Variants in ZNF706 observed in about 807,000 individuals in gnomAD.
ZNF706 encodes the protein zinc finger protein 706, also known as transcriptional regulator ZNF706.
In ZNF706, 4 loss-of-function variants were observed where a neutral mutation model predicts 9.2. That is an observed-to-expected ratio of 0.43 (90% CI 0.21 to 0.99). ZNF706 has a LOEUF of 0.99. Among genes scored for constraint, ZNF706 ranks in the 50% least tolerant of loss-of-function variants. The probability of loss-of-function intolerance (pLI) is 0.26; values close to 1 mark genes in which losing one functional copy is unlikely to be tolerated. For missense variants in ZNF706, 27 were observed against 87.8 expected (o/e 0.31, Z 2.77); for synonymous variants, 28 against 27.3 (o/e 1.03, Z -0.08).
intron 1 of ZNF706, chr8:101,204,821 T>A: frequency 1.0e-6 from 1 of 985,476 alleles, no homozygotes; most frequent in Non-Finnish European, 1.2e-6. Flanking sequence ...GAAAAGGATT[T>A]TGGGTCCAGG....
Position 101,198,258 on chromosome 8 carries a change from A to G in ZNF706, c.*994T>C, listed in dbSNP as rs532947002. The G allele has an allele frequency of 2.6e-5, 4 of 152,280 alleles. No homozygotes were observed. The East Asian group carries it at 7.7e-4, about 29-fold the overall frequency. The allele number at this position is 152,280 out of a possible 1,614,324, so 9.4% of individuals were successfully genotyped here. A position where few individuals can be genotyped will look rare whatever the true frequency, so the allele number is the denominator to read the frequency against. On this transcript the variant is annotated 3_prime_UTR_variant, in exon 4 of 4. Transcript: ENST00000311212. ...ACAAAGCAAACTCCTAAAATCAACAACTCACTTAGAAAAGAAAGGAGGGAG... is the reference window on the plus strand; with the variant it reads ...ACAAAGCAAACTCCTAAAATCAACAGCTCACTTAGAAAAGAAAGGAGGGAG...
At chr8:101,203,285 A>G (rs1810630915) in intron 1 of ZNF706, 1 of 152,206 alleles carries the variant, frequency 6.6e-6, no homozygotes, top group Non-Finnish European at 1.5e-5. Context: ...ATGAGTCTCA[A>G]TTGCTTTTTA....
rs1032922314 is a variant in ZNF706, at chr8:101,197,161, A to C, written c.*2091T>G. 21 of 152,224 alleles carry C rather than the reference A, an allele frequency of 1.4e-4. No individual in the cohort carries two copies. The highest frequency in any genetic ancestry group is 2.8e-4 in the Non-Finnish European group (19 of 68,032). The allele number at this position is 152,224 out of a possible 1,614,324, so 9.4% of individuals were successfully genotyped here. On this transcript the variant is annotated 3_prime_UTR_variant, in exon 4 of 4. Transcript: ENST00000311212. The stretch of plus-strand genomic sequence containing the variant: ...ATGTGAAGAGAATGGAAACAAGTTT[A>C]ATCTTAACCCCATTCCTTTTGGCAA...
rs1810554713 is a variant in ZNF706 at position 101,201,546 on chromosome 8, A to AG, written c.135+60_135+61insC. The AG allele has an allele frequency of 6.7e-7, 1 of 1,491,606 alleles. No homozygotes were observed. The highest frequency in any genetic ancestry group is 1.4e-5 in the African/African-American group (1 of 70,534). The allele number at this position is 1,491,606 out of a possible 1,614,324, so 92.4% of individuals were successfully genotyped here. ...TATTTTGCCATGGTTTCAAAATTTT[A>AG]ATCTATTCAAGCCAAAACTGCCCAC... On this transcript the variant is annotated intron_variant, in intron 2 of 3. Coordinates refer to ENST00000311212, the MANE Select transcript of ZNF706 (RefSeq NM_016096.5). This position sits in a 1 kb window ranked among gnomAD's most constrained non-coding sequence, Gnocchi z 4.5.
Position 101,199,249 on chromosome 8 carries a change from A to G in ZNF706, c.*13-10T>C. 1.4e-6 allele frequency: 1 copy of G among 701,776 alleles called. No homozygotes were observed. The highest frequency in any genetic ancestry group is 2.6e-6 in the Non-Finnish European group (1 of 384,360). The allele number at this position is 701,776 out of a possible 1,614,324, so 43.5% of individuals were successfully genotyped here. On this transcript the variant is annotated splice_polypyrimidine_tract_variant and intron_variant, in intron 3 of 3. Coordinates refer to ENST00000311212, the MANE Select transcript of ZNF706 (RefSeq NM_016096.5). ...GGTGTCATGAATTCACCTATAAAAC[A>G]TAAGCAAAATTTTCAATGAATGTTA...
chr8:101,202,086 C>T (rs1056795233), intron 1 of ZNF706, among the ~76,000 whole-genome samples: 4 of 151,924 alleles, frequency 2.6e-5, no homozygotes, highest in Non-Finnish European at 5.9e-5. Context: ...AATAGTAACA[C>T]GGATGCACAA....
rs759989155 is a variant in ZNF706, at chr8:101,200,029, A to T, written c.204T>A (p.Pro68=). The T allele has an allele frequency of 1.2e-6, 2 of 1,611,896 alleles. No homozygotes were observed. The highest frequency in any genetic ancestry group is 1.7e-5 in the Admixed American group (1 of 60,018). The change falls in exon 3 of 4, where the codon CCT becomes CCA. Residue 68 remains proline, a synonymous_variant. Transcript: ENST00000311212. The part of the protein sequence containing the change: ...FESKHPKTPL[P]PELADVQA Reference sequence around the variant, plus strand: ...ATGCCTGAACATCAGCTAATTCTGGAGGAAGTGGAGTCTTAGGATGCTTGC... The same window carrying T: ...ATGCCTGAACATCAGCTAATTCTGGTGGAAGTGGAGTCTTAGGATGCTTGC...
chr8:101,200,508 T>C (rs1810519489), intron 2 of ZNF706, among the ~76,000 whole-genome samples: 1 of 152,320 alleles, frequency 6.6e-6, no homozygotes. Context: ...TAGTACTAGA[T>C]ATGTGACCTC....
chr8:101,204,687 G>A (rs1272732089), intron 1 of ZNF706: 2 of 985,280 alleles, frequency 2.0e-6, no homozygotes, highest in East Asian at 1.1e-4. Context: ...GTGGTTTTCC[G>A]AGGGGGCTGC....
chr8:101,204,181 C>G (rs1385564567), intron 1 of ZNF706: 1 of 152,210 alleles, frequency 6.6e-6, no homozygotes, highest in Non-Finnish European at 1.5e-5. Context: ...CTAGAAGTTA[C>G]TAGCTATTTT....
Position 101,199,146 on chromosome 8 carries a change from AT to A in ZNF706, c.*105del, listed in dbSNP as rs1401918019. On this transcript the variant is annotated 3_prime_UTR_variant, in exon 4 of 4. Coordinates refer to ENST00000311212, the MANE Select transcript of ZNF706 (RefSeq NM_016096.5). ...AAATGAGTGTTTCTGTAGCCCCTTTATTTTTGCTGATCAACAGTTTGTTAGA... is the reference window on the plus strand; with the variant it reads ...AAATGAGTGTTTCTGTAGCCCCTTTATTTTGCTGATCAACAGTTTGTTAGA... The A allele has an allele frequency of 5.9e-6, 4 of 680,166 alleles. No individual in the cohort carries two copies. The South Asian group carries it at 6.2e-5, about 11-fold the overall frequency. 42.1% of individuals were successfully genotyped at this position (680,166 alleles called of 1,614,324 possible).
intron 2 of ZNF706, chr8:101,200,709 T>C (rs1044028042): frequency 6.5e-6 from 1 of 152,996 alleles, no homozygotes; most frequent in Non-Finnish European, 1.5e-5. Context: ...CCTGCCTCTT[T>C]CCAAACAATC....
chr8:101,203,292 T>C (rs1810631403), intron 1 of ZNF706: 1 of 152,192 alleles, frequency 6.6e-6, no homozygotes, highest in Non-Finnish European at 1.5e-5. Context: ...TCAATTGCTT[T>C]TTAAATATAT....
At position 101,205,309 on chromosome 8, in the gene ZNF706, T is replaced by C. The variant is rs1296977045; in HGVS notation, c.-3+126A>G. On this transcript the variant is annotated intron_variant, in intron 1 of 3. Coordinates refer to ENST00000311212, the MANE Select transcript of ZNF706 (RefSeq NM_016096.5). This position sits in a 1 kb window ranked among gnomAD's most constrained non-coding sequence, Gnocchi z 6.6. ...CCGCGGCCCGCCCCGGGCCGGGCCC[T>C]GCCGCCCCCCGCGACCCCTCGCGAC... 1 of 150,724 alleles carries C rather than the reference T, an allele frequency of 6.6e-6. No homozygotes were observed. Among genetic ancestry groups the C allele is most frequent in the Non-Finnish European group, 1.5e-5 (1 of 67,640 alleles). The allele number at this position is 150,724 out of a possible 1,614,324, so 9.3% of individuals were successfully genotyped here.
Position 101,201,515 on chromosome 8 carries a change from A to C in ZNF706, c.135+92T>G. On this transcript the variant is annotated intron_variant, in intron 2 of 3. Coordinates refer to ENST00000311212, the MANE Select transcript of ZNF706 (RefSeq NM_016096.5). This position sits in a 1 kb window ranked among gnomAD's most constrained non-coding sequence, Gnocchi z 4.5. ...CTCTCAAACCTACTATTTCATGTAA[A>C]GCATCTATTTTGCCATGGTTTCAAA... 1 of 1,113,600 alleles carries C rather than the reference A, an allele frequency of 9.0e-7. No individual in the cohort carries two copies. Among genetic ancestry groups the C allele is most frequent in the Non-Finnish European group, 1.3e-6 (1 of 777,838 alleles). 69.0% of individuals were successfully genotyped at this position (1,113,600 alleles called of 1,614,324 possible). A position where few individuals can be genotyped will look rare whatever the true frequency, so the allele number is the denominator to read the frequency against.
chr8:101,200,187 A>G (rs1001103202), intron 2 of ZNF706, 90 bp from the exon 3 acceptor site: 1 of 1,022,002 alleles, frequency 9.8e-7, no homozygotes, highest in Non-Finnish European at 1.5e-6. Flanking sequence ...CTCAGTATAG[A>G]CAATTATCCC....
intron 2 of ZNF706, 192 bp from the exon 3 acceptor site, chr8:101,200,289 A>AT (rs969178450): frequency 2.0e-5 from 10 of 504,268 alleles, no homozygotes; most frequent in Non-Finnish European, 3.6e-5. Flanking sequence ...CATTTCACCT[A>AT]TAAAGAAAGG....
Position 101,205,574 on chromosome 8 carries a change from C to T in ZNF706, c.-142G>A. The T allele has an allele frequency of 6.1e-6, 1 of 163,428 alleles. No individual in the cohort carries two copies. Among genetic ancestry groups the T allele is most frequent in the Non-Finnish European group, 1.3e-5 (1 of 76,188 alleles). 10.1% of individuals were successfully genotyped at this position (163,428 alleles called of 1,614,324 possible). On this transcript the variant is annotated 5_prime_UTR_variant, in exon 1 of 4. Transcript: ENST00000311212. This position sits in a 1 kb window ranked among gnomAD's most constrained non-coding sequence, Gnocchi z 6.6. The stretch of plus-strand genomic sequence containing the variant: ...CGCTCAGGAGGGGAAACACGAGAGC[C>T]GGGAGCACAACAGCCTCGCACGCCC...
intron 1 of ZNF706, chr8:101,204,456 C>G (rs938839721): frequency 5.1e-6 from 1 of 196,576 alleles, no homozygotes; most frequent in African/African-American, 2.4e-5. Context: ...AGGCCCCTAA[C>G]TTCTGACAAC....
Sources: allele counts gnomAD v4.1 joint callset (sites outside exome capture counted in the v4.1 genomes callset), GRCh38; gene constraint gnomAD v4.1.1; non-coding constraint Gnocchi (gnomAD v3.1); transcripts MANE v1.5; gene names NCBI Gene and HGNC (gene_info 2026-07-23, HGNC 2026-07-21).